NCOA1: variants seen among roughly 807,000 people sequenced by gnomAD.
NCOA1 encodes Hin-2 protein.
NCOA1 carries 35 observed loss-of-function variants against 150.9 expected under a neutral mutation model. The ratio of observed to expected loss-of-function variants is 0.23; its 90% confidence interval spans 0.18 to 0.31. NCOA1 has a LOEUF of 0.31. NCOA1 is among the 10% of genes least tolerant of loss of function. The probability of loss-of-function intolerance (pLI) is 1.00; values close to 1 mark genes in which losing one functional copy is unlikely to be tolerated. For synonymous variants in NCOA1, 590 were observed against 630.0 expected, an observed-to-expected ratio of 0.94 and a Z score of 0.95; for missense variants, 1,491 against 1,749.3, an observed-to-expected ratio of 0.85 and a Z score of 2.63.
chr2:24,757,372 G>A (rs926773681), intron 20 of NCOA1, among the ~76,000 whole-genome samples: 5 of 152,106 alleles, frequency 3.3e-5, no homozygotes, highest in African/African-American at 9.7e-5. Context: ...CCATTTGACA[G>A]CACCGAATAA....
intron 1 of NCOA1, among the ~76,000 whole-genome samples, chr2:24,526,922 T>C (rs988396083): frequency 3.3e-5 from 5 of 152,160 alleles, no homozygotes; most frequent in African/African-American, 1.2e-4. Flanking sequence ...ACTATTTACA[T>C]AGTGTTTACA....
At chr2:24,727,808 TG>T (rs1161466188) in intron 15 of NCOA1, among the ~76,000 whole-genome samples, 1 of 152,228 alleles carries the variant, frequency 6.6e-6, no homozygotes, top group Non-Finnish European at 1.5e-5. Context: ...CTTTTGTAAA[TG>T]GTAATCATGT....
rs536275984 is a variant in NCOA1 at position 24,707,427 on chromosome 2, A to G, written c.1957A>G (p.Ser653Gly). 2 of 1,614,216 alleles carry G rather than the reference A, an allele frequency of 1.2e-6. No individual in the cohort carries two copies. Among genetic ancestry groups the G allele is most frequent in the East Asian group, 2.2e-5 (1 of 44,884 alleles). The change falls in exon 13 of 23, where the codon AGC (serine) becomes GGC (glycine). Residue 653 changes from serine to glycine, a missense_variant. Transcript: ENST00000348332. ...QQLRHADIDTSCKDVLSCTGT... is the reference protein window; with the variant it reads ...QQLRHADIDTGCKDVLSCTGT... ...GTTACGGCATGCTGATATAGACACA[A>G]GCTGCAAAGATGTCCTGTCTTGCAC...
intron 20 of NCOA1, among the ~76,000 whole-genome samples, chr2:24,755,693 C>G (rs999238696): frequency 7.2e-5 from 11 of 152,298 alleles, no homozygotes; most frequent in Non-Finnish European, 1.3e-4. Flanking sequence ...GTCTCCTTCC[C>G]TTAATGGGAG....
chr2:24,666,636 G>T (rs1049626495), intron 6 of NCOA1, among the ~76,000 whole-genome samples: 11 of 118,520 alleles, frequency 9.3e-5, no homozygotes, highest in Non-Finnish European at 2.1e-4. Context: ...GAAAAAACCC[G>T]GATTTTTTTT....
At chr2:24,544,901 A>G (rs1665547122) in intron 1 of NCOA1, among the ~76,000 whole-genome samples, 1 of 152,220 alleles carries the variant, frequency 6.6e-6, no homozygotes, top group Non-Finnish European at 1.5e-5. Context: ...TAGTTTTCTC[A>G]TTTTTGGAGA....
At chr2:24,559,373 C>T (rs1572418687) in intron 1 of NCOA1, among the ~76,000 whole-genome samples, 1 of 152,156 alleles carries the variant, frequency 6.6e-6, no homozygotes, top group East Asian at 1.9e-4. Flanking sequence ...AATGGCATGT[C>T]GCTCTACAAG....
chr2:24,649,513 T>C (rs1433676391), intron 4 of NCOA1, among the ~76,000 whole-genome samples: 3 of 152,222 alleles, frequency 2.0e-5, no homozygotes, highest in African/African-American at 7.2e-5. Context: ...GGATTCATAG[T>C]TTCATAAGGA....
intron 3 of NCOA1, among the ~76,000 whole-genome samples, chr2:24,600,123 C>T (rs1338300662): frequency 6.6e-6 from 1 of 152,176 alleles, no homozygotes; most frequent in Admixed American, 6.5e-5. Context: ...TTCCCCATTC[C>T]CTTCTTTAGT....
At chr2:24,685,164 T>A (rs979812857) in intron 8 of NCOA1, among the ~76,000 whole-genome samples, 3 of 152,128 alleles carry the variant, frequency 2.0e-5, no homozygotes, top group Non-Finnish European at 2.9e-5. Flanking sequence ...CCTTCTTATT[T>A]TTTGATTTGT....
At chr2:24,647,730 TTTA>T (rs1360797837) in intron 4 of NCOA1, among the ~76,000 whole-genome samples, 1 of 152,180 alleles carries the variant, frequency 6.6e-6, no homozygotes, top group African/African-American at 2.4e-5. Flanking sequence ...TTGTAAACTT[TTTA>T]TTATTTTGTT....
At chr2:24,688,370 CA>C (rs1672504210) in intron 8 of NCOA1, among the ~76,000 whole-genome samples, 3 of 152,334 alleles carry the variant, frequency 2.0e-5, no homozygotes, top group Admixed American at 2.0e-4. Context: ...CTCCCACCAA[CA>C]GTGTATAAGC....
rs1192716091 is a variant in NCOA1 at position 24,736,559 on chromosome 2, AAG to A, written c.3202-2867_3202-2866del. On this transcript the variant is annotated intron_variant, in intron 17 of 22. Transcript: ENST00000348332. ...GAATTAGGATTAAAGGACAGAAAAA[AAG>A]AGAGAAACATTTTACCTTCAGGTTT... 3.9e-5 allele frequency among the ~76,000 whole-genome samples: 6 copies of A among 152,338 alleles called. No individual in the cohort carries two copies. In the South Asian group the frequency reaches 6.2e-4, roughly 16 times the overall value.
intron 19 of NCOA1, 55 bp from the exon 20 acceptor site, chr2:24,751,927 T>C: frequency 6.7e-7 from 1 of 1,482,066 alleles, no homozygotes; most frequent in Non-Finnish European, 9.1e-7. Flanking sequence ...TTTTCATTTA[T>C]GGGGTTAATA....
In NCOA1 at chr2:24,706,969, G is replaced by A; in HGVS notation, c.1499G>A (p.Arg500Lys). 6.2e-7 allele frequency: 1 copy of A among 1,614,202 alleles called. No homozygotes were observed. Among genetic ancestry groups the A allele is most frequent in the Non-Finnish European group, 8.5e-7 (1 of 1,180,026 alleles). The change falls in exon 13 of 23, where the codon AGG becomes AAG. Residue 500 changes from arginine (R) to lysine (K), a missense_variant. Around this residue, in one of 8 missense-constraint regions of NCOA1, gnomAD observed 703 missense variants for 717.7 expected, o/e 0.98. Transcript: ENST00000348332. ...RRQVTSGLAT[R>K]PRMPNNSFPP... is the part of the protein sequence containing the mutation. The stretch of plus-strand genomic sequence containing the variant: ...CAGGTTACTTCTGGATTGGCAACAA[G>A]GCCCAGGATGCCAAACAATTCCTTT...
At chr2:24,711,713 T>C (rs1453434589) in intron 14 of NCOA1, among the ~76,000 whole-genome samples, 2 of 152,262 alleles carry the variant, frequency 1.3e-5, no homozygotes, top group South Asian at 4.1e-4. Context: ...AAATATGTTA[T>C]TGTTCTAACC....
rs116689126 is a variant in NCOA1 at position 24,528,928 on chromosome 2, C to G, written c.-395-35367C>G. Among the ~76,000 whole-genome samples the G allele has an allele frequency of 5.5e-3, 831 of 152,196 alleles. 8 individuals are homozygous for G. Among genetic ancestry groups the G allele is most frequent in the African/African-American group, 0.019 (787 of 41,528 alleles). On this transcript the variant is annotated intron_variant, in intron 1 of 22. Transcript: ENST00000348332. ...TTGAGACAGTCTCTCACATTCTTGC[C>G]CAGGCTGGAGTGCAGTGGCGCCATA... is the stretch of plus-strand genomic sequence containing the variant.
Position 24,714,666 on chromosome 2 carries a change from C to G in NCOA1, c.2599+3555C>G, listed in dbSNP as rs531814198. ...AAATTAGAGGAGAAAAAGAATACCACAAAAGTATTGAAAGACCTCAGTCAC... is the reference window on the plus strand; with the variant it reads ...AAATTAGAGGAGAAAAAGAATACCAGAAAAGTATTGAAAGACCTCAGTCAC... On this transcript the variant is annotated intron_variant, in intron 14 of 22. Coordinates refer to ENST00000348332, the MANE Select transcript of NCOA1 (RefSeq NM_003743.5). Among the ~76,000 whole-genome samples, 7 of 151,980 alleles carry G rather than the reference C, an allele frequency of 4.6e-5. No homozygotes were observed. The South Asian group carries it at 1.5e-3, about 32-fold the overall frequency.
intron 14 of NCOA1, among the ~76,000 whole-genome samples, chr2:24,717,083 T>C (rs749471464): frequency 2.0e-5 from 3 of 152,196 alleles, no homozygotes; most frequent in Non-Finnish European, 4.4e-5. Flanking sequence ...CATATGTCAT[T>C]AGAAAATTGC....
Sources: allele counts gnomAD v4.1 joint callset (sites outside exome capture counted in the v4.1 genomes callset), GRCh38; gene constraint gnomAD v4.1.1; regional missense constraint gnomAD v4.1.1; transcripts MANE v1.5; gene names NCBI Gene and HGNC (gene_info 2026-07-23, HGNC 2026-07-21).